The following TRPC4 variants were observed in gnomAD, a reference collection of about 807,000 sequenced individuals.
The protein encoded by TRPC4 is transient receptor potential cation channel subfamily C member 4.
Under a neutral mutation model 99.4 loss-of-function variants are expected in TRPC4, and 49 were observed. That is an observed-to-expected ratio of 0.49 (90% CI 0.39 to 0.63). TRPC4 has a LOEUF of 0.63. TRPC4 is among the 20% of genes least tolerant of loss of function. The pLI is 0.00. For missense variants in TRPC4, 898 were observed against 1,152.9 expected (o/e 0.78, Z 3.20); for synonymous variants, 454 against 425.9 (o/e 1.07, Z -0.81).
intron 5 of TRPC4, among the ~76,000 whole-genome samples, chr13:37,669,842 A>C (rs918007727): frequency 6.6e-6 from 1 of 152,158 alleles, no homozygotes; most frequent in Non-Finnish European, 1.5e-5. Flanking sequence ...TGCATTTTAA[A>C]TAAAGATCTT....
At chr13:37,682,193 C>A (rs1172115298) in intron 4 of TRPC4, among the ~76,000 whole-genome samples, 1 of 152,200 alleles carries the variant, frequency 6.6e-6, no homozygotes, top group Non-Finnish European at 1.5e-5. Context: ...TCACCTATGG[C>A]AACCTCCAGG....
At chr13:37,650,847 T>G (rs1056007167) in intron 8 of TRPC4, among the ~76,000 whole-genome samples, 2 of 152,150 alleles carry the variant, frequency 1.3e-5, no homozygotes, top group Admixed American at 1.3e-4. Context: ...GAATTTGAGG[T>G]CACCAAAGCA....
intron 3 of TRPC4, among the ~76,000 whole-genome samples, chr13:37,721,038 C>T (rs1954850167): frequency 6.6e-6 from 1 of 152,152 alleles, no homozygotes; most frequent in African/African-American, 2.4e-5. Flanking sequence ...CAAATAGCTG[C>T]TTCTTCATAA....
intron 1 of TRPC4, among the ~76,000 whole-genome samples, chr13:37,847,485 T>C (rs1398038260): frequency 2.0e-5 from 3 of 151,916 alleles, no homozygotes; most frequent in African/African-American, 7.3e-5. Flanking sequence ...TAAAAATACC[T>C]TGAGACAAAT....
chr13:37,763,498 G>A (rs1396125675), intron 2 of TRPC4, among the ~76,000 whole-genome samples: 1 of 151,460 alleles, frequency 6.6e-6, no homozygotes, highest in East Asian at 2.0e-4. Context: ...CAAGTGGAAG[G>A]GTACCCAGGA....
At chr13:37,706,655 T>A (rs1593553209) in intron 3 of TRPC4, among the ~76,000 whole-genome samples, 1 of 121,838 alleles carries the variant, frequency 8.2e-6, no homozygotes, top group South Asian at 2.9e-4. Context: ...CAGGCCCCGG[T>A]GTGCGATGTT....
Position 37,636,360 on chromosome 13 carries a change from T to A in TRPC4, c.*543A>T, listed in dbSNP as rs1170441444. ...TTGAGGGAGTTTAGATATGACTCCA[T>A]GAGAAGAAGACTTGTTTGCTTTGTG... On this transcript the variant is annotated 3_prime_UTR_variant, in exon 11 of 11. Coordinates refer to ENST00000379705, the MANE Select transcript of TRPC4 (RefSeq NM_016179.4). 6.6e-6 allele frequency among the ~76,000 whole-genome samples: 1 copy of A among 152,114 alleles called. No individual in the cohort carries two copies. Among genetic ancestry groups the A allele is most frequent in the African/African-American group, 2.4e-5 (1 of 41,440 alleles).
At chr13:37,858,026 G>T (rs1593331685) in intron 1 of TRPC4, among the ~76,000 whole-genome samples, 1 of 151,424 alleles carries the variant, frequency 6.6e-6, no homozygotes, top group South Asian at 2.1e-4. Flanking sequence ...TCTGACAAGG[G>T]TTCAATAATT....
intron 3 of TRPC4, among the ~76,000 whole-genome samples, chr13:37,703,018 T>C (rs1444110466): frequency 6.6e-6 from 1 of 152,164 alleles, no homozygotes; most frequent in African/African-American, 2.4e-5. Flanking sequence ...AAAGCTTTAA[T>C]GTAGTCCAGC....
intron 1 of TRPC4, among the ~76,000 whole-genome samples, chr13:37,842,163 G>A (rs528242571): frequency 5.0e-4 from 76 of 150,928 alleles, no homozygotes; most frequent in African/African-American, 1.8e-3. Context: ...CCAGATACTC[G>A]GGAGGCTGAT....
At chr13:37,638,615 T>C (rs1951608693) in intron 10 of TRPC4, among the ~76,000 whole-genome samples, 1 of 152,162 alleles carries the variant, frequency 6.6e-6, no homozygotes, top group African/African-American at 2.4e-5. Context: ...ATTTAAAAAC[T>C]ATCAAGGAGA....
At chr13:37,837,244 A>C (rs1219352989) in intron 1 of TRPC4, among the ~76,000 whole-genome samples, 1 of 152,254 alleles carries the variant, frequency 6.6e-6, no homozygotes, top group Non-Finnish European at 1.5e-5. Flanking sequence ...GAGATCCCCC[A>C]CACAGAGTCC....
rs562676517 is a variant in TRPC4 at position 37,783,285 on chromosome 13, G to T, written c.49C>A (p.Arg17Ser). The T allele has an allele frequency of 1.2e-6, 2 of 1,611,854 alleles. No homozygotes were observed. The highest frequency in any genetic ancestry group is 1.7e-6 in the Non-Finnish European group (2 of 1,179,186). The change falls in exon 2 of 11, where the codon CGC (arginine) becomes AGC (serine). Residue 17 changes from arginine to serine, a missense_variant. Physicochemically the swap from Arg to Ser is moderately radical, Grantham distance 110. Transcript: ENST00000379705. ...KRNVNAPYRD[R>S]IPLRIVRAES... is the part of the protein sequence containing the mutation. ...GCTCTTACTATCCTTAGAGGGATGC[G>T]GTCTCTATAGGGAGCATTAACATTT...
intron 1 of TRPC4, among the ~76,000 whole-genome samples, chr13:37,784,618 G>A (rs904609208): frequency 6.6e-6 from 1 of 151,808 alleles, no homozygotes; most frequent in African/African-American, 2.4e-5. Flanking sequence ...GGGTGTTCTA[G>A]GTACTTAAAC....
Position 37,691,365 on chromosome 13 carries a change from A to G in TRPC4, c.1234+634T>C, listed in dbSNP as rs529920912. Among the ~76,000 whole-genome samples, 16 of 152,228 alleles carry G rather than the reference A, an allele frequency of 1.1e-4. No individual in the cohort carries two copies. In the South Asian group the frequency reaches 3.1e-3, roughly 30 times the overall value. The stretch of plus-strand genomic sequence containing the variant: ...GTGATCCGCCCGCCTCGGCCTCCCA[A>G]AGTGCTGGGATTACAGGCATGAGCC... On this transcript the variant is annotated intron_variant, in intron 4 of 10. Transcript: ENST00000379705.
intron 2 of TRPC4, among the ~76,000 whole-genome samples, chr13:37,748,097 G>A (rs559961529): frequency 6.6e-6 from 1 of 152,196 alleles, no homozygotes; most frequent in East Asian, 1.9e-4. Context: ...TCAGAATGGT[G>A]CAAAATTTAC....
chr13:37,796,283 G>A (rs1256690818), intron 1 of TRPC4, among the ~76,000 whole-genome samples: 10 of 152,126 alleles, frequency 6.6e-5, no homozygotes, highest in Admixed American at 6.5e-4. Flanking sequence ...TCACCTGTAT[G>A]AACTCAATGA....
chr13:37,785,364 T>C, intron 1 of TRPC4, among the ~76,000 whole-genome samples: 1 of 152,122 alleles, frequency 6.6e-6, no homozygotes, highest in East Asian at 1.9e-4. Context: ...AGTGTAATTT[T>C]ATCAGGACTG....
intron 1 of TRPC4, among the ~76,000 whole-genome samples, chr13:37,834,337 A>C (rs1217748701): frequency 7.2e-5 from 11 of 152,180 alleles, no homozygotes; most frequent in Admixed American, 7.2e-4. Context: ...ATGTACTTTC[A>C]ATTGATTTTG....
Sources: allele counts gnomAD v4.1 joint callset (sites outside exome capture counted in the v4.1 genomes callset), GRCh38; gene constraint gnomAD v4.1.1; transcripts MANE v1.5; gene names NCBI Gene and HGNC (gene_info 2026-07-23, HGNC 2026-07-21).